Variants in STARD13 observed in about 807,000 individuals in gnomAD.
The protein encoded by STARD13 is stAR-related lipid transfer protein 13.
In STARD13, 62 loss-of-function variants were observed where a neutral mutation model predicts 106.4. The ratio of observed to expected loss-of-function variants is 0.58; its 90% CI spans 0.48 to 0.72. The LOEUF (loss-of-function observed/expected upper bound fraction) is 0.72, where lower values mean the gene tolerates loss of function less well. Among genes scored for constraint, STARD13 ranks in the 30% least tolerant of loss-of-function variants. STARD13 has a pLI of 0.00. For missense variants in STARD13, 1,387 were observed against 1,424.0 expected, an observed-to-expected ratio of 0.97 and a Z score of 0.42; for synonymous variants, 565 against 553.0, an observed-to-expected ratio of 1.02 and a Z score of -0.31.
At chr13:33,357,506 C>T in the STARD13 span, among the ~76,000 whole-genome samples, 18 of 152,138 alleles carry the variant, frequency 1.2e-4, no homozygotes, top group African/African-American at 3.4e-4. Context: ...CAGGATAATG[C>T]GTCTTGTAAG....
chr13:33,205,861 A>G (rs1250318923), intron 1 of STARD13: 2 of 985,320 alleles, frequency 2.0e-6, no homozygotes, highest in African/African-American at 3.5e-5. Flanking sequence ...CCTTTCAAAC[A>G]AAACCCCTCT....
At chr13:33,485,590 C>A in the STARD13 span, among the ~76,000 whole-genome samples, 1 of 152,098 alleles carries the variant, frequency 6.6e-6, no homozygotes, top group Admixed American at 6.5e-5. Flanking sequence ...CTTGCTAATT[C>A]CCTGACAAAG....
chr13:33,464,618 G>T, the STARD13 span, among the ~76,000 whole-genome samples: 26 of 151,922 alleles, frequency 1.7e-4, no homozygotes, highest in African/African-American at 5.5e-4. Context: ...AGGAGGCCGA[G>T]GGGGGCAGAT....
chr13:33,609,011 G>A, the STARD13 span, among the ~76,000 whole-genome samples: 19,078 of 148,592 alleles, frequency 0.13, 1,942 homozygotes, highest in African/African-American at 0.27. Flanking sequence ...GCGTGAACCC[G>A]GGAGGCGGAG....
At chr13:33,604,650 T>C in the STARD13 span, among the ~76,000 whole-genome samples, 1 of 151,882 alleles carries the variant, frequency 6.6e-6, no homozygotes, top group African/African-American at 2.4e-5. Flanking sequence ...AATACAAATA[T>C]TAGCTGGGCA....
At chr13:33,182,127 C>A (rs1594061687) in intron 1 of STARD13, among the ~76,000 whole-genome samples, 1 of 152,318 alleles carries the variant, frequency 6.6e-6, no homozygotes, top group East Asian at 1.9e-4. Flanking sequence ...ATCATACACA[C>A]ATAGACTAAA....
At chr13:33,576,377 C>A in the STARD13 span, among the ~76,000 whole-genome samples, 1 of 151,928 alleles carries the variant, frequency 6.6e-6, no homozygotes, top group African/African-American at 2.4e-5. Flanking sequence ...AGTGTGCCAC[C>A]ATGCCCAGCT....
chr13:33,378,828 G>A, the STARD13 span, among the ~76,000 whole-genome samples: 1 of 151,036 alleles, frequency 6.6e-6, no homozygotes, highest in Admixed American at 6.6e-5. Flanking sequence ...AAGAAACATA[G>A]GCTGGGCGTG....
the STARD13 span, among the ~76,000 whole-genome samples, chr13:33,363,703 T>C: frequency 6.6e-6 from 1 of 152,212 alleles, no homozygotes; most frequent in African/African-American, 2.4e-5. Flanking sequence ...AAGTTACACC[T>C]AAGCCCCACA....
At chr13:33,148,179 C>T (rs1484657376) in intron 3 of STARD13, among the ~76,000 whole-genome samples, 2 of 152,152 alleles carry the variant, frequency 1.3e-5, no homozygotes, top group Non-Finnish European at 2.9e-5. Context: ...TTAGATTCAA[C>T]ACCACAGGCC....
At chr13:33,198,301 C>T (rs1886783281) in intron 1 of STARD13, among the ~76,000 whole-genome samples, 1 of 152,148 alleles carries the variant, frequency 6.6e-6, no homozygotes, top group Non-Finnish European at 1.5e-5. Flanking sequence ...TGCTTTGTTT[C>T]TCTCCTTTTC....
At chr13:33,429,440 C>CA in the STARD13 span, among the ~76,000 whole-genome samples, 3 of 151,328 alleles carry the variant, frequency 2.0e-5, no homozygotes, top group Non-Finnish European at 4.4e-5. Context: ...ACTAAAAATA[C>CA]AAAAAATTAG....
At chr13:33,221,669 A>G (rs1888363552) in intron 1 of STARD13, among the ~76,000 whole-genome samples, 1 of 152,172 alleles carries the variant, frequency 6.6e-6, no homozygotes, top group South Asian at 2.1e-4. Flanking sequence ...CCAGTGCAAA[A>G]TGAAAACACA....
the STARD13 span, among the ~76,000 whole-genome samples, chr13:33,569,069 G>A: frequency 6.8e-6 from 1 of 148,058 alleles, no homozygotes; most frequent in African/African-American, 2.5e-5. Flanking sequence ...ATAACACCAA[G>A]GCAGAGTTTA....
At chr13:33,495,314 G>A in the STARD13 span, among the ~76,000 whole-genome samples, 10 of 152,274 alleles carry the variant, frequency 6.6e-5, no homozygotes, top group South Asian at 2.1e-3. Flanking sequence ...TAAGTGGACA[G>A]CTCAGTGGAA....
chr13:33,592,761 T>G, the STARD13 span, among the ~76,000 whole-genome samples: 1 of 151,456 alleles, frequency 6.6e-6, no homozygotes, highest in Non-Finnish European at 1.5e-5. Context: ...TTTGAGTAAC[T>G]TAATGAGTTG....
chr13:33,439,839 A>G, the STARD13 span: 2 of 427,430 alleles, frequency 4.7e-6, no homozygotes, highest in Middle Eastern at 8.5e-4. Context: ...GCCTCCAGAA[A>G]TGAAAATAAA....
the STARD13 span, among the ~76,000 whole-genome samples, chr13:33,666,871 C>T: frequency 7.2e-5 from 11 of 152,284 alleles, no homozygotes; most frequent in South Asian, 2.1e-4. Flanking sequence ...GGATTACAGG[C>T]GGGAGCCCCA....
the STARD13 span, among the ~76,000 whole-genome samples, chr13:33,465,887 A>G: frequency 5.3e-5 from 8 of 152,208 alleles, no homozygotes; most frequent in Non-Finnish European, 4.4e-5. Context: ...AATGTAGTAG[A>G]CATTATCAAA....
Sources: gnomAD v4.1 joint callset for allele counts (sites outside exome capture counted in the v4.1 genomes callset) on GRCh38, gnomAD v4.1.1 for gene constraint, MANE v1.5 for transcripts, NCBI Gene and HGNC (gene_info 2026-07-23, HGNC 2026-07-21) for gene names.